Variants in CTNNBL1 observed in about 807,000 individuals in gnomAD.
CTNNBL1 encodes the protein beta-catenin-like protein 1.
In CTNNBL1, 31 loss-of-function variants were observed where a neutral mutation model predicts 72.7. The ratio of observed to expected loss-of-function variants is 0.43; its 90% CI spans 0.32 to 0.58. The LOEUF is 0.58. Among genes scored for constraint, CTNNBL1 ranks in the 20% least tolerant of loss-of-function variants. The probability of loss-of-function intolerance (pLI) is 0.08; values close to 1 mark genes in which losing one functional copy is unlikely to be tolerated. For synonymous variants in CTNNBL1, 240 were observed against 267.3 expected, an observed-to-expected ratio of 0.90 and a Z score of 1.00; for missense variants, 534 against 725.1, an observed-to-expected ratio of 0.74 and a Z score of 3.03.
intron 5 of CTNNBL1, among the ~76,000 whole-genome samples, chr20:37,760,907 A>G (rs1600470747): frequency 6.6e-6 from 1 of 152,336 alleles, no homozygotes; most frequent in Non-Finnish European, 1.5e-5. Flanking sequence ...TATTTCAAAA[A>G]CATTTTGAAC....
intron 10 of CTNNBL1, 149 bp from the exon 11 acceptor site, chr20:37,802,718 C>G (rs936039254): frequency 1.8e-6 from 1 of 570,744 alleles, no homozygotes. Context: ...TTTGTCCACC[C>G]TATTGTAGAC....
At chr20:37,860,228 C>A (rs745713837) in intron 14 of CTNNBL1, 44 bp from the exon 15 acceptor site, 70 of 1,558,422 alleles carry the variant, frequency 4.5e-5, no homozygotes, top group Middle Eastern at 1.7e-4. Context: ...TGTGTCAGGA[C>A]AAATGGTTGT....
rs748364775 is a variant in CTNNBL1 at position 37,777,416 on chromosome 20, T to C, written c.822T>C (p.Asp274=). 6.2e-7 allele frequency: 1 copy of C among 1,613,578 alleles called. No homozygotes were observed. Among genetic ancestry groups the C allele is most frequent in the South Asian group, 1.1e-5 (1 of 91,066 alleles). ...EVLAILLQDN[D]ENRELLGELD... ...TGGCCATATTGCTCCAGGACAATGATGGTGAGGCGCCCTCTCAGTATTGAT... is the reference window on the plus strand; with the variant it reads ...TGGCCATATTGCTCCAGGACAATGACGGTGAGGCGCCCTCTCAGTATTGAT... The change falls in exon 8 of 16, where the codon GAT becomes GAC. Residue 274 remains aspartate, a splice_region_variant and synonymous_variant. Coordinates refer to ENST00000361383, the MANE Select transcript of CTNNBL1 (RefSeq NM_030877.5).
chr20:37,694,250 C>T lies in CTNNBL1; in HGVS notation c.30+98C>T, dbSNP rs954576384. Reference sequence around the variant, plus strand: ...ATCTCACCTCCTCTCGCCTCACTCCCGGGCCCTCTAACTTCTCATGCCACC... The same window carrying T: ...ATCTCACCTCCTCTCGCCTCACTCCTGGGCCCTCTAACTTCTCATGCCACC... On this transcript the variant is annotated intron_variant, in intron 1 of 15. Coordinates refer to ENST00000361383, the MANE Select transcript of CTNNBL1 (RefSeq NM_030877.5). The T allele has an allele frequency of 1.5e-5, 17 of 1,139,858 alleles. 1 individual carries two copies. The South Asian group carries it at 2.6e-4, about 17-fold the overall frequency. The allele number at this position is 1,139,858 out of a possible 1,614,324, so 70.6% of individuals were successfully genotyped here. A position where few individuals can be genotyped will look rare whatever the true frequency, so the allele number is the denominator to read the frequency against.
chr20:37,823,825 G>C (rs952651913), intron 11 of CTNNBL1, among the ~76,000 whole-genome samples: 2 of 152,186 alleles, frequency 1.3e-5, no homozygotes, highest in East Asian at 3.9e-4. Context: ...GAGAATGTAG[G>C]GAAATTCCCA....
chr20:37,725,429 T>C (rs2073075803), intron 1 of CTNNBL1, among the ~76,000 whole-genome samples: 1 of 151,928 alleles, frequency 6.6e-6, no homozygotes, highest in Admixed American at 6.5e-5. Flanking sequence ...CCCCAGTAGC[T>C]GGGATTACAG....
rs916340042 is a variant in CTNNBL1, at chr20:37,851,080, A to C, written c.1392+8661A>C. 2.0e-5 allele frequency among the ~76,000 whole-genome samples: 3 copies of C among 152,268 alleles called. No individual in the cohort carries two copies. In the East Asian group the frequency reaches 5.8e-4, roughly 29 times the overall value. ...TTTAAAATGAGTAAGTGGCTGGAAG[A>C]GGGGGAAACACACACACACAACCCT... On this transcript the variant is annotated intron_variant, in intron 13 of 15. Coordinates refer to ENST00000361383, the MANE Select transcript of CTNNBL1 (RefSeq NM_030877.5).
In CTNNBL1 at chr20:37,872,050, C is replaced by T. The variant is rs1264987556; in HGVS notation, c.*37C>T. On this transcript the variant is annotated 3_prime_UTR_variant, in exon 16 of 16. Coordinates refer to ENST00000361383, the MANE Select transcript of CTNNBL1 (RefSeq NM_030877.5). ...CCCTGCGCATCATGGACTCTCTCAG[C>T]TTCCCTCCCAGGATCAGTTTCTACA... The T allele has an allele frequency of 4.6e-6, 7 of 1,527,438 alleles. No individual in the cohort carries two copies. Among genetic ancestry groups the T allele is most frequent in the Non-Finnish European group, 5.4e-6 (6 of 1,101,152 alleles). 94.6% of individuals were successfully genotyped at this position (1,527,438 alleles called of 1,614,324 possible).
At chr20:37,857,019 GT>G (rs954321567) in intron 13 of CTNNBL1, among the ~76,000 whole-genome samples, 2 of 152,136 alleles carry the variant, frequency 1.3e-5, no homozygotes, top group Non-Finnish European at 2.9e-5. Flanking sequence ...TGGGGAATCC[GT>G]TTTCTAGCAA....
At position 37,740,168 on chromosome 20, in the gene CTNNBL1, T is replaced by G. The variant is rs539077471; in HGVS notation, c.326+2684T>G. On this transcript the variant is annotated intron_variant, in intron 3 of 15. Coordinates refer to ENST00000361383, the MANE Select transcript of CTNNBL1 (RefSeq NM_030877.5). ...ATTTTAGTTTTAAAATCTGAGCATATGAAAATTGAAATTGTGCATAAAGAA... is the reference window on the plus strand; with the variant it reads ...ATTTTAGTTTTAAAATCTGAGCATAGGAAAATTGAAATTGTGCATAAAGAA... Among the ~76,000 whole-genome samples the G allele has an allele frequency of 7.9e-5, 12 of 152,322 alleles. No individual in the cohort carries two copies. The East Asian group carries it at 2.1e-3, about 27-fold the overall frequency.
chr20:37,719,051 T>A (rs146866331), intron 1 of CTNNBL1, among the ~76,000 whole-genome samples: 210 of 152,340 alleles, frequency 1.4e-3, no homozygotes, highest in African/African-American at 5.1e-3. Context: ...AATCTGAGTT[T>A]TACTATACTT....
chr20:37,751,191 CCTTTATT>C (rs2073316732), intron 4 of CTNNBL1: 1 of 151,860 alleles, frequency 6.6e-6, no homozygotes, highest in African/African-American at 2.4e-5. Context: ...CAGCTAAATG[CCTTTATT>C]CTTTAATAAT....
chr20:37,818,854 A>G (rs2072081542), intron 11 of CTNNBL1, among the ~76,000 whole-genome samples: 2 of 152,208 alleles, frequency 1.3e-5, no homozygotes, highest in African/African-American at 4.8e-5. Context: ...TGATTGTGAA[A>G]GTCGACCACC....
At chr20:37,800,093 CAA>C (rs2073811436) in intron 10 of CTNNBL1, among the ~76,000 whole-genome samples, 1 of 152,172 alleles carries the variant, frequency 6.6e-6, no homozygotes, top group Admixed American at 6.5e-5. Context: ...GTTGTGTCTG[CAA>C]AAGACTGTCC....
intron 1 of CTNNBL1, among the ~76,000 whole-genome samples, chr20:37,712,773 G>C (rs745754265): frequency 8.5e-5 from 13 of 152,210 alleles, no homozygotes; most frequent in Admixed American, 8.5e-4. Context: ...TCCTGAGTTA[G>C]CACATAGAGA....
At chr20:37,856,498 G>A (rs1008026514) in intron 13 of CTNNBL1, among the ~76,000 whole-genome samples, 5 of 152,030 alleles carry the variant, frequency 3.3e-5, no homozygotes, top group African/African-American at 1.2e-4. Flanking sequence ...AGGAGTGGGC[G>A]GTACCAACAT....
At chr20:37,746,299 G>A (rs1323777333) in intron 3 of CTNNBL1, among the ~76,000 whole-genome samples, 169 bp from the exon 4 acceptor site, 1 of 152,162 alleles carries the variant, frequency 6.6e-6, no homozygotes, top group Admixed American at 6.5e-5. Context: ...TGAGGAAATC[G>A]ATTTCCCAAG....
chr20:37,694,174 G>A lies in CTNNBL1; in HGVS notation c.30+22G>A, dbSNP rs145380896. On this transcript the variant is annotated intron_variant, in intron 1 of 15. Coordinates refer to ENST00000361383, the MANE Select transcript of CTNNBL1 (RefSeq NM_030877.5). ...CCAGGTATGAGGGGCAGGGAGGGCC[G>A]AGCGACCGCGTTCTCACCTGGGCAG... 1.5e-3 allele frequency: 2,346 copies of A among 1,580,638 alleles called. 20 individuals are homozygous for A. The East Asian group carries it at 0.018, about 12-fold the overall frequency.
chr20:37,808,741 C>CA (rs1300920498), intron 11 of CTNNBL1, among the ~76,000 whole-genome samples: 2 of 152,096 alleles, frequency 1.3e-5, no homozygotes, highest in African/African-American at 4.8e-5. Context: ...GGTTGACTCC[C>CA]AGATCTTCAG....
Sources: allele counts gnomAD v4.1 joint callset (sites outside exome capture counted in the v4.1 genomes callset), GRCh38; gene constraint gnomAD v4.1.1; transcripts MANE v1.5; gene names NCBI Gene and HGNC (gene_info 2026-07-23, HGNC 2026-07-21).